Variants in GRIN2A observed in about 807,000 individuals in gnomAD.
GRIN2A encodes the protein glutamate receptor ionotropic, NMDA 2A.
In GRIN2A, 22 loss-of-function variants were observed where a neutral mutation model predicts 113.4. The observed-to-expected ratio is 0.19, with a 90% CI of 0.14 to 0.28. The LOEUF (loss-of-function observed/expected upper bound fraction) is 0.28, where lower values mean the gene tolerates loss of function less well. GRIN2A is among the 10% of genes least tolerant of loss of function. The pLI is 1.00. For missense variants in GRIN2A, 1,502 were observed against 1,887.0 expected, an observed-to-expected ratio of 0.80 and a Z score of 3.78; for synonymous variants, 827 against 738.4, an observed-to-expected ratio of 1.12 and a Z score of -1.94.
At chr16:10,034,535 C>CAAAAAAAAAAAAAAAAAA in intron 2 of GRIN2A, among the ~76,000 whole-genome samples, 1 of 36,422 alleles carries the variant, frequency 2.7e-5, no homozygotes, top group Non-Finnish European at 5.0e-5. Flanking sequence ...CAAAAAAAAG[C>CAAAAAAAAAAAAAAAAAA]AAAAAAAAAA....
chr16:9,754,055 C>T lies in GRIN2A; in HGVS notation c.*9094G>A, dbSNP rs566093646. 1 of 183,214 alleles carries T rather than the reference C, an allele frequency of 5.5e-6. No homozygotes were observed. 11.3% of individuals were successfully genotyped at this position (183,214 alleles called of 1,614,324 possible). Reference sequence around the variant, plus strand: ...GTGAGTGAAAAATGAATCATTTATCCTCTTTGAGAAGGCCATTATTTATAA... The same window carrying T: ...GTGAGTGAAAAATGAATCATTTATCTTCTTTGAGAAGGCCATTATTTATAA... On this transcript the variant is annotated 3_prime_UTR_variant, in exon 13 of 13. Coordinates refer to ENST00000330684, the MANE Select transcript of GRIN2A (RefSeq NM_001134407.3).
chr16:9,862,114 G>A (rs2043079502), intron 4 of GRIN2A, among the ~76,000 whole-genome samples: 1 of 152,202 alleles, frequency 6.6e-6, no homozygotes, highest in Non-Finnish European at 1.5e-5. Flanking sequence ...AGGAGCACCA[G>A]GAGGGGAAGA....
At chr16:9,828,731 A>G (rs2042432442) in intron 9 of GRIN2A, among the ~76,000 whole-genome samples, 2 of 152,206 alleles carry the variant, frequency 1.3e-5, no homozygotes, top group Non-Finnish European at 2.9e-5. Context: ...TCACTGGAGA[A>G]TGAGAGAGCA....
Position 9,762,660 on chromosome 16 carries a change from G to A in GRIN2A, c.*489C>T, listed in dbSNP as rs1462436289. The A allele has an allele frequency of 7.9e-6, 2 of 252,566 alleles. No individual in the cohort carries two copies. The highest frequency in any genetic ancestry group is 7.7e-6 in the Non-Finnish European group (1 of 129,370). 15.6% of individuals were successfully genotyped at this position (252,566 alleles called of 1,614,324 possible). ...TCCTAATCTCTTGCACATGTCAATC[G>A]CACTACAGTGCAGATGCATTCTTAA... is the stretch of plus-strand genomic sequence containing the variant. On this transcript the variant is annotated 3_prime_UTR_variant, in exon 13 of 13. Transcript: ENST00000330684.
chr16:9,853,228 T>C (rs537272157), intron 4 of GRIN2A, among the ~76,000 whole-genome samples: 2 of 152,264 alleles, frequency 1.3e-5, no homozygotes, highest in South Asian at 4.1e-4. Context: ...TAGGCTCTAT[T>C]AAGAAGTTGG....
intron 2 of GRIN2A, among the ~76,000 whole-genome samples, chr16:10,084,877 C>A (rs547901996): frequency 1.3e-5 from 2 of 152,232 alleles, no homozygotes; most frequent in African/African-American, 4.8e-5. Context: ...ACATAGTAGA[C>A]AACAGTCTAC....
At position 10,180,513 on chromosome 16, in the gene GRIN2A, G is replaced by T; in HGVS notation, c.-18-84C>A. ...ATTACCAACTTGGCTTCCTGCTCTAGGAGCCAGGCATGGAACTCAGCAGCA... is the reference window on the plus strand; with the variant it reads ...ATTACCAACTTGGCTTCCTGCTCTATGAGCCAGGCATGGAACTCAGCAGCA... On this transcript the variant is annotated intron_variant, in intron 1 of 12. Coordinates refer to ENST00000330684, the MANE Select transcript of GRIN2A (RefSeq NM_001134407.3). This position sits in a 1 kb window ranked among gnomAD's most constrained non-coding sequence, Gnocchi z 7.0. 6.5e-7 allele frequency: 1 copy of T among 1,533,770 alleles called. No individual in the cohort carries two copies. Among genetic ancestry groups the T allele is most frequent in the Non-Finnish European group, 8.7e-7 (1 of 1,146,222 alleles).
intron 2 of GRIN2A, among the ~76,000 whole-genome samples, chr16:10,133,698 A>G (rs1008298868): frequency 6.6e-6 from 1 of 152,214 alleles, no homozygotes; most frequent in Non-Finnish European, 1.5e-5. Flanking sequence ...AGTACTTATA[A>G]GAATCTGAGC....
intron 2 of GRIN2A, chr16:10,111,605 A>G: frequency 8.7e-7 from 1 of 1,148,562 alleles, no homozygotes; most frequent in Non-Finnish European, 1.3e-6. Flanking sequence ...ACTGAGACAG[A>G]GGCCGACATG....
intron 2 of GRIN2A, among the ~76,000 whole-genome samples, chr16:10,030,674 T>A (rs10852252): frequency 6.6e-6 from 1 of 152,184 alleles, no homozygotes; most frequent in African/African-American, 2.4e-5. Flanking sequence ...TATAAAGGGG[T>A]CTCTCTCATC....
At chr16:10,074,262 C>T (rs10852253) in intron 2 of GRIN2A, among the ~76,000 whole-genome samples, 117,722 of 152,174 alleles carry the variant, frequency 0.77, 45,791 homozygotes, top group East Asian at 0.95. Context: ...TAAGAAACCC[C>T]GTACACTGAT....
At chr16:9,990,332 G>T (rs192871401) in intron 2 of GRIN2A, among the ~76,000 whole-genome samples, 51 of 152,118 alleles carry the variant, frequency 3.4e-4, no homozygotes, top group Admixed American at 3.1e-3. Context: ...ACTAAAATTG[G>T]GTGCTCATGG....
At chr16:9,986,550 G>A (rs2045982202) in intron 2 of GRIN2A, among the ~76,000 whole-genome samples, 1 of 152,134 alleles carries the variant, frequency 6.6e-6, no homozygotes, top group African/African-American at 2.4e-5. Flanking sequence ...GGATCATGAG[G>A]TCAGGAGTTC....
rs147655127 is a variant in GRIN2A at position 9,932,364 on chromosome 16, T to C, written c.1007+5595A>G. Among the ~76,000 whole-genome samples the C allele has an allele frequency of 8.5e-5, 13 of 152,222 alleles. No homozygotes were observed. In the East Asian group the frequency reaches 2.5e-3, roughly 29 times the overall value. On this transcript the variant is annotated intron_variant, in intron 3 of 12. Transcript: ENST00000330684. ...ACACTTACTTCACTCATAACTTTAT[T>C]TCATTTTTATTTTATTTTATTTTTT...
intron 2 of GRIN2A, among the ~76,000 whole-genome samples, chr16:10,017,915 A>G (rs2046641236): frequency 6.6e-6 from 1 of 152,234 alleles, no homozygotes; most frequent in South Asian, 2.1e-4. Context: ...CTCTATTATT[A>G]TGTTAATCAT....
At chr16:10,179,975 A>G in intron 2 of GRIN2A, 23 bp downstream of exon 2, 1 of 1,552,422 alleles carries the variant, frequency 6.4e-7, no homozygotes, top group Non-Finnish European at 8.8e-7. Flanking sequence ...AGGTCCTGGC[A>G]GGGCATCAGT....
intron 11 of GRIN2A, among the ~76,000 whole-genome samples, chr16:9,782,921 G>A (rs1373626726): frequency 6.6e-6 from 1 of 152,104 alleles, no homozygotes; most frequent in East Asian, 1.9e-4. Flanking sequence ...GGTATCATCT[G>A]GTCACAGGCC....
Position 10,066,688 on chromosome 16 carries a change from T to C in GRIN2A, c.414+113310A>G, listed in dbSNP as rs546963578. ...GCATCTTAAGCTGCCCCTCCCAGTGTTTGCTAAATGTCATGGCAGAGGGTT... is the reference window on the plus strand; with the variant it reads ...GCATCTTAAGCTGCCCCTCCCAGTGCTTGCTAAATGTCATGGCAGAGGGTT... On this transcript the variant is annotated intron_variant, in intron 2 of 12. Transcript: ENST00000330684. Among the ~76,000 whole-genome samples, 93 of 152,236 alleles carry C rather than the reference T, an allele frequency of 6.1e-4. 1 individual carries two copies. The highest frequency in any genetic ancestry group is 3.5e-3 in the Admixed American group (53 of 15,298).
intron 11 of GRIN2A, among the ~76,000 whole-genome samples, chr16:9,776,091 A>G (rs1324126968): frequency 6.6e-6 from 1 of 152,178 alleles, no homozygotes; most frequent in African/African-American, 2.4e-5. Context: ...TTCATTGTAA[A>G]CTGTCACCAA....
Sources: gnomAD v4.1 joint callset for allele counts (sites outside exome capture counted in the v4.1 genomes callset) on GRCh38, gnomAD v4.1.1 for gene constraint, Gnocchi (gnomAD v3.1) non-coding constraint, MANE v1.5 for transcripts, NCBI Gene and HGNC (gene_info 2026-07-23, HGNC 2026-07-21) for gene names.